The following KLHL2 variants were observed in gnomAD, a reference collection of about 807,000 sequenced individuals.
The protein encoded by KLHL2 is kelch like family member 2, also known as kelch-like protein 2.
A neutral mutation model predicts 75.8 loss-of-function variants in KLHL2; 15 were observed. That is an observed-to-expected ratio of 0.20 (90% CI 0.13 to 0.30). The LOEUF is 0.30. Ranked by LOEUF, KLHL2 falls within the 10% of genes least tolerant of loss-of-function variation. KLHL2 has a pLI of 1.00. For synonymous variants in KLHL2, 214 were observed against 251.9 expected (o/e 0.85, Z 1.42); for missense variants, 381 against 741.0 (o/e 0.51, Z 5.64).
intron 1 of KLHL2, among the ~76,000 whole-genome samples, chr4:165,216,782 C>T (rs753148654): frequency 6.6e-6 from 1 of 152,024 alleles, no homozygotes; most frequent in Non-Finnish European, 1.5e-5. Context: ...TGGACGTTTG[C>T]AGAAGGGGTG....
intron 3 of KLHL2, among the ~76,000 whole-genome samples, chr4:165,231,453 C>T (rs3905931): frequency 6.6e-6 from 1 of 152,078 alleles, no homozygotes. Context: ...AAAAAATTAC[C>T]TATATTAAGT....
intron 4 of KLHL2, among the ~76,000 whole-genome samples, chr4:165,247,924 T>C (rs369074046): frequency 1.3e-4 from 20 of 152,366 alleles, no homozygotes; most frequent in African/African-American, 4.3e-4. Flanking sequence ...TCTTCAGCCA[T>C]GTTAAACCAC....
intron 5 of KLHL2, among the ~76,000 whole-genome samples, chr4:165,264,721 C>CATATATATATATATATATATATACATAT (rs1187856274): frequency 2.8e-5 from 2 of 71,198 alleles, no homozygotes; most frequent in Admixed American, 2.1e-4. Context: ...TATATATATA[C>CATATATATATATATATATATATACATAT]ATATATATAT....
intron 7 of KLHL2, among the ~76,000 whole-genome samples, chr4:165,298,184 T>G (rs1245470744): frequency 6.6e-6 from 1 of 152,196 alleles, no homozygotes; most frequent in African/African-American, 2.4e-5. Context: ...GGTAAGCAAG[T>G]ACTAGAGCTT....
intron 1 of KLHL2, chr4:165,209,291 C>T (rs979795346): frequency 1.3e-5 from 2 of 152,150 alleles, no homozygotes; most frequent in African/African-American, 4.8e-5. Flanking sequence ...GGCTCAGAAG[C>T]ACTTAAAGCA....
chr4:165,238,459 A>C (rs1739539367), intron 3 of KLHL2, among the ~76,000 whole-genome samples: 1 of 152,214 alleles, frequency 6.6e-6, no homozygotes. Context: ...CCATAAAGAC[A>C]ACAAGTGCCC....
chr4:165,278,530 C>T (rs756829282), intron 5 of KLHL2: 26 of 1,609,384 alleles, frequency 1.6e-5, no homozygotes, highest in Non-Finnish European at 2.0e-5. Context: ...CGCTGGGCTC[C>T]CAATAAGGTG....
intron 4 of KLHL2, among the ~76,000 whole-genome samples, chr4:165,248,926 T>C (rs1740472850): frequency 6.6e-6 from 1 of 152,246 alleles, no homozygotes; most frequent in Non-Finnish European, 1.5e-5. Context: ...GTGATTTTTA[T>C]GTTATTTGTG....
intron 2 of KLHL2, among the ~76,000 whole-genome samples, chr4:165,225,826 T>G (rs1164241297): frequency 1.3e-5 from 2 of 152,202 alleles, no homozygotes; most frequent in African/African-American, 2.4e-5. Flanking sequence ...ATACTAAAAC[T>G]AAACATGTCC....
At chr4:165,264,731 T>TAC (rs1253191795) in intron 5 of KLHL2, among the ~76,000 whole-genome samples, 3 of 83,072 alleles carry the variant, frequency 3.6e-5, no homozygotes, top group East Asian at 4.3e-4. Flanking sequence ...CATATATATA[T>TAC]ATATATATGT....
chr4:165,238,721 T>A (rs1739564561), intron 3 of KLHL2, 57 bp from the exon 4 acceptor site: 1 of 1,607,472 alleles, frequency 6.2e-7, no homozygotes, highest in Non-Finnish European at 8.5e-7. Flanking sequence ...ACATTGGCAT[T>A]GGAACTTCCA....
chr4:165,253,340 G>A (rs996043237), intron 4 of KLHL2, among the ~76,000 whole-genome samples: 2 of 152,064 alleles, frequency 1.3e-5, no homozygotes, highest in Admixed American at 6.6e-5. Flanking sequence ...GGCCCCTCCT[G>A]TATACTTTAA....
At chr4:165,294,310 G>A (rs752349025) in intron 5 of KLHL2, 49 bp from the exon 6 acceptor site, 1 of 1,067,882 alleles carries the variant, frequency 9.4e-7, no homozygotes, top group Non-Finnish European at 1.4e-6. Flanking sequence ...TTGAAACTAT[G>A]ATAATGGAAT....
chr4:165,254,490 A>T (rs1741001475), intron 4 of KLHL2, among the ~76,000 whole-genome samples: 2 of 152,180 alleles, frequency 1.3e-5, no homozygotes, highest in Admixed American at 6.5e-5. Context: ...TTAGGGTCAA[A>T]TGTTTTAAAC....
chr4:165,311,128 A>G (rs1193233606), intron 10 of KLHL2, among the ~76,000 whole-genome samples: 1 of 152,216 alleles, frequency 6.6e-6, no homozygotes, highest in East Asian at 1.9e-4. Context: ...AAGTGCTGGG[A>G]TTACAACATG....
intron 1 of KLHL2, among the ~76,000 whole-genome samples, chr4:165,209,055 C>T (rs1419946574): frequency 6.6e-6 from 1 of 152,172 alleles, no homozygotes; most frequent in African/African-American, 2.4e-5. Flanking sequence ...GAATTTTTAG[C>T]TTGAGTGGAA....
chr4:165,224,406 C>G (rs1738262018), intron 2 of KLHL2, among the ~76,000 whole-genome samples: 1 of 152,084 alleles, frequency 6.6e-6, no homozygotes, highest in African/African-American at 2.4e-5. Context: ...TCATATGAAG[C>G]AATTCAAATG....
At chr4:165,279,631 C>G (rs754561130) in intron 5 of KLHL2, 32 of 1,611,424 alleles carry the variant, frequency 2.0e-5, no homozygotes, top group Non-Finnish European at 2.5e-5. Context: ...AAACTGCCTT[C>G]TTTGAGGCTG....
chr4:165,232,334 G>A (rs1033782102), intron 3 of KLHL2, among the ~76,000 whole-genome samples: 1 of 151,770 alleles, frequency 6.6e-6, no homozygotes, highest in African/African-American at 2.4e-5. Context: ...GGCTGAGGCA[G>A]GAGAATGGCG....
Sources: gnomAD v4.1 joint callset for allele counts (sites outside exome capture counted in the v4.1 genomes callset) on GRCh38, gnomAD v4.1.1 for gene constraint, MANE v1.5 for transcripts, NCBI Gene and HGNC (gene_info 2026-07-23, HGNC 2026-07-21) for gene names.